ZNF682: variants seen among roughly 807,000 people sequenced by gnomAD.
ZNF682 encodes the protein zinc finger protein 682.
In ZNF682, 29 loss-of-function variants were observed where a neutral mutation model predicts 36.5. The observed-to-expected ratio is 0.80, with a 90% CI of 0.59 to 1.08. The LOEUF (loss-of-function observed/expected upper bound fraction) is 1.08. Ranked by LOEUF, ZNF682 falls within the 50% of genes least tolerant of loss-of-function variation. The pLI, the probability that ZNF682 is intolerant of heterozygous loss-of-function variation, is 0.00. For missense variants in ZNF682, 561 were observed against 579.7 expected (o/e 0.97, Z 0.33); for synonymous variants, 180 against 197.0 (o/e 0.91, Z 0.72).
At chr19:20,009,710 G>A (rs2088265702) in intron 3 of ZNF682, among the ~76,000 whole-genome samples, 1 of 152,108 alleles carries the variant, frequency 6.6e-6, no homozygotes, top group Non-Finnish European at 1.5e-5. Context: ...AGATATTAGG[G>A]GCCTGTTTTT....
intron 1 of ZNF682, among the ~76,000 whole-genome samples, chr19:20,025,965 A>T (rs1257477622): frequency 3.3e-5 from 5 of 152,196 alleles, no homozygotes. Flanking sequence ...ATTCTGAGTT[A>T]TTCTGGGCAA....
intron 3 of ZNF682, chr19:20,015,989 G>T (rs2088331318): frequency 5.3e-6 from 2 of 378,408 alleles, no homozygotes; most frequent in Admixed American, 9.0e-5. Context: ...AAAATGCAAA[G>T]AAAGCTTTTT....
rs562253626 is a variant in ZNF682, at chr19:20,011,264, C to T, written c.227-3989G>A. ...TTCAATAAATAAATAGATAAATCAA[C>T]GATATTTAACTATCCTAAATATGTA... On this transcript the variant is annotated intron_variant, in intron 3 of 3. Transcript: ENST00000397165. 5.3e-5 allele frequency among the ~76,000 whole-genome samples: 8 copies of T among 152,180 alleles called. No individual in the cohort carries two copies. The South Asian group carries it at 8.3e-4, about 16-fold the overall frequency.
chr19:20,022,184 T>A (rs1410875783), intron 3 of ZNF682, among the ~76,000 whole-genome samples: 36 of 138,416 alleles, frequency 2.6e-4, no homozygotes, highest in East Asian at 4.3e-4. Context: ...AAAAAAAAAA[T>A]TATTAAAAAA....
intron 1 of ZNF682, among the ~76,000 whole-genome samples, chr19:20,024,975 A>G (rs561562072): frequency 2.0e-4 from 30 of 152,382 alleles, no homozygotes; most frequent in African/African-American, 7.0e-4. Context: ...CAGAGAAGTC[A>G]TGATGGGTTA....
At chr19:20,039,180 C>T in intron 1 of ZNF682, 163 bp downstream of exon 1, 3 of 1,383,560 alleles carry the variant, frequency 2.2e-6, no homozygotes, top group African/African-American at 1.5e-5. Context: ...CACCTCGCAT[C>T]CTGTGCCCGG....
intron 3 of ZNF682, 71 bp from the exon 4 acceptor site, chr19:20,007,346 A>C: frequency 8.1e-6 from 11 of 1,362,044 alleles, no homozygotes; most frequent in Non-Finnish European, 9.8e-6. Context: ...TTACAAATCT[A>C]ATACAGAAAA....
At chr19:20,001,148 A>T (rs934220352), downstream of ZNF682, among the ~76,000 whole-genome samples, 4 of 152,214 alleles carry the variant, frequency 2.6e-5, no homozygotes, top group Admixed American at 6.5e-5. Flanking sequence ...TAGAAATATT[A>T]GAGGAAAGGC....
intron 1 of ZNF682, among the ~76,000 whole-genome samples, chr19:20,028,979 AT>A (rs10651551): frequency 4.0e-4 from 55 of 138,754 alleles, no homozygotes; most frequent in African/African-American, 5.8e-4. Context: ...TCTATCACTG[AT>A]TTTTTTTTTT....
At chr19:20,010,852 C>T (rs1444297194) in intron 3 of ZNF682, among the ~76,000 whole-genome samples, 1 of 150,618 alleles carries the variant, frequency 6.6e-6, no homozygotes, top group Non-Finnish European at 1.5e-5. Context: ...GTAGTCCCAG[C>T]TACTAGGGAG....
At chr19:20,030,369 A>T (rs1468094290) in intron 1 of ZNF682, among the ~76,000 whole-genome samples, 1 of 152,158 alleles carries the variant, frequency 6.6e-6, no homozygotes, top group African/African-American at 2.4e-5. Flanking sequence ...CAGGAGTTCG[A>T]GACCAGCCTG....
chr19:20,004,177 T>C (rs1166667912), downstream of ZNF682, among the ~76,000 whole-genome samples: 5 of 152,210 alleles, frequency 3.3e-5, no homozygotes, highest in African/African-American at 1.2e-4. Context: ...TGTGTAATTT[T>C]CATAATAATC....
chr19:20,017,117 A>G (rs541564534), intron 3 of ZNF682, among the ~76,000 whole-genome samples: 1 of 152,302 alleles, frequency 6.6e-6, no homozygotes, highest in East Asian at 1.9e-4. Flanking sequence ...CAAAATTAAC[A>G]AAACAAAAAC....
chr19:20,003,045 G>A (rs1374042797), downstream of ZNF682, among the ~76,000 whole-genome samples: 3 of 151,410 alleles, frequency 2.0e-5, no homozygotes. Flanking sequence ...AAAAGAATGA[G>A]CCGGGCGTGG....
chr19:20,026,133 T>C (rs1376271193), intron 1 of ZNF682, among the ~76,000 whole-genome samples: 1 of 151,978 alleles, frequency 6.6e-6, no homozygotes, highest in Non-Finnish European at 1.5e-5. Flanking sequence ...AAATCCCATC[T>C]CTACTGAAAA....
intron 1 of ZNF682, among the ~76,000 whole-genome samples, chr19:20,025,574 G>A (rs2088423800): frequency 6.6e-6 from 1 of 152,004 alleles, no homozygotes; most frequent in South Asian, 2.1e-4. Flanking sequence ...CTACTCGGGA[G>A]GCAGAGGTAG....
intron 1 of ZNF682, among the ~76,000 whole-genome samples, chr19:20,029,502 G>A (rs934629533): frequency 1.3e-5 from 2 of 151,314 alleles, no homozygotes; most frequent in African/African-American, 4.9e-5. Flanking sequence ...TTGGGAGGCT[G>A]AGGTGGGAGA....
At chr19:20,009,261 C>T (rs570183716) in intron 3 of ZNF682, among the ~76,000 whole-genome samples, 2 of 152,146 alleles carry the variant, frequency 1.3e-5, no homozygotes, top group South Asian at 4.2e-4. Flanking sequence ...ATAGACTAAG[C>T]AGATGAAAGT....
Position 20,007,284 on chromosome 19 carries a change from T to C in ZNF682, c.227-9A>G, listed in dbSNP as rs1298914401. On this transcript the variant is annotated splice_polypyrimidine_tract_variant and intron_variant, in intron 3 of 3. Transcript: ENST00000397165. ...GTAATGAGAAGACATAGCTGAAATA[T>C]GAAATTAACAAAATATCCCACTTGT... The C allele has an allele frequency of 6.3e-7, 1 of 1,585,136 alleles. No individual in the cohort carries two copies. The highest frequency in any genetic ancestry group is 8.6e-7 in the Non-Finnish European group (1 of 1,166,938).
Sources: gnomAD v4.1 joint callset for allele counts (sites outside exome capture counted in the v4.1 genomes callset) on GRCh38, gnomAD v4.1.1 for gene constraint, MANE v1.5 for transcripts, NCBI Gene and HGNC (gene_info 2026-07-23, HGNC 2026-07-21) for gene names.